The following KIF3C variants were observed in gnomAD, a reference collection of about 807,000 sequenced individuals.
The protein encoded by KIF3C is kinesin-like protein KIF3C.
A neutral mutation model predicts 67.7 loss-of-function variants in KIF3C; 12 were observed. That is an observed-to-expected ratio of 0.18 (90% confidence interval 0.11 to 0.29). The LOEUF is 0.29. Ranked by LOEUF, KIF3C falls within the 10% of genes least tolerant of loss-of-function variation. KIF3C has a pLI of 1.00. For missense variants in KIF3C, 789 were observed against 1,059.6 expected, an observed-to-expected ratio of 0.74 and a Z score of 3.55; for synonymous variants, 393 against 426.2, an observed-to-expected ratio of 0.92 and a Z score of 0.96.
intron 5 of KIF3C, among the ~76,000 whole-genome samples, chr2:25,938,698 T>C (rs1393734737): frequency 2.0e-5 from 3 of 152,184 alleles, no homozygotes; most frequent in Non-Finnish European, 4.4e-5. Flanking sequence ...CAGGCCTACT[T>C]TCCATGATTG....
intron 1 of KIF3C, among the ~76,000 whole-genome samples, chr2:25,962,314 T>C (rs2149237264): frequency 6.6e-6 from 1 of 152,204 alleles, no homozygotes; most frequent in South Asian, 2.1e-4. Flanking sequence ...AGAAATAAAA[T>C]GACAAATGCC....
intron 5 of KIF3C, among the ~76,000 whole-genome samples, chr2:25,947,695 C>G (rs941738861): frequency 6.6e-6 from 1 of 151,862 alleles, no homozygotes; most frequent in Non-Finnish European, 1.5e-5. Flanking sequence ...ATATACAAAC[C>G]ATTTTAACCC....
intron 5 of KIF3C, among the ~76,000 whole-genome samples, chr2:25,942,937 G>A (rs923816545): frequency 1.1e-4 from 17 of 152,218 alleles, no homozygotes; most frequent in African/African-American, 3.9e-4. Context: ...GATGCTTAGA[G>A]CTGGAGTAGG....
intron 5 of KIF3C, among the ~76,000 whole-genome samples, chr2:25,946,575 T>C (rs181491029): frequency 1.7e-3 from 257 of 151,948 alleles, no homozygotes; most frequent in African/African-American, 6.0e-3. Context: ...GTAATCCCGG[T>C]TACTCAGGAG....
At chr2:25,968,725 C>T (rs1664204516) in intron 1 of KIF3C, among the ~76,000 whole-genome samples, 1 of 152,174 alleles carries the variant, frequency 6.6e-6, no homozygotes, top group Non-Finnish European at 1.5e-5. Context: ...TGGGTCATTC[C>T]TCTCTGTCCT....
Position 25,954,374 on chromosome 2 carries a change from C to G in KIF3C, c.1782G>C (p.Lys594Asn), listed in dbSNP as rs779253582. ...GGATCTCCGCCTTCACCGCCTGCAGCTTGGCGTAGAGCTGGGTGGGGACAG... is the reference window on the plus strand; with the variant it reads ...GGATCTCCGCCTTCACCGCCTGCAGGTTGGCGTAGAGCTGGGTGGGGACAG... ...KTKKLKKLYAKLQAVKAEIQD... is the reference protein window; with the variant it reads ...KTKKLKKLYANLQAVKAEIQD... Residue 594 changes from lysine (K) to asparagine (N), a missense_variant, in exon 4 of 8, where the codon AAG (lysine) becomes AAC (asparagine). This residue lies in a region of KIF3C where 648 missense variants were observed against 807.8 expected (regional missense o/e 0.80). Coordinates refer to ENST00000264712, the MANE Select transcript of KIF3C (RefSeq NM_002254.8). 6.2e-7 allele frequency: 1 copy of G among 1,613,670 alleles called. No individual in the cohort carries two copies. The highest frequency in any genetic ancestry group is 8.5e-7 in the Non-Finnish European group (1 of 1,179,886).
intron 5 of KIF3C, among the ~76,000 whole-genome samples, chr2:25,946,571 C>A (rs1663442330): frequency 6.6e-6 from 1 of 152,054 alleles, no homozygotes; most frequent in Non-Finnish European, 1.5e-5. Flanking sequence ...GCCTGTAATC[C>A]CGGTTACTCA....
intron 7 of KIF3C, 82 bp downstream of exon 7, chr2:25,929,223 A>T: frequency 6.6e-7 from 1 of 1,524,200 alleles, no homozygotes; most frequent in Non-Finnish European, 9.0e-7. Flanking sequence ...GGTACCAGCA[A>T]AACCCTCTTT....
chr2:25,950,363 G>A (rs746050819), intron 5 of KIF3C, among the ~76,000 whole-genome samples: 4 of 151,446 alleles, frequency 2.6e-5, no homozygotes, highest in East Asian at 1.9e-4. Context: ...GATTACAGGC[G>A]CCTGCCACCA....
At chr2:25,930,888 G>C (rs1044858661) in intron 5 of KIF3C, among the ~76,000 whole-genome samples, 1 of 151,930 alleles carries the variant, frequency 6.6e-6, no homozygotes, top group African/African-American at 2.4e-5. Flanking sequence ...GTTTTACCAC[G>C]TTGGCCAAGC....
At chr2:25,964,937 C>T (rs188114401) in intron 1 of KIF3C, among the ~76,000 whole-genome samples, 118 of 152,326 alleles carry the variant, frequency 7.7e-4, no homozygotes, top group African/African-American at 2.7e-3. Flanking sequence ...GGTTTCTGCT[C>T]ATCTGCTTCC....
chr2:25,951,577 T>G, intron 5 of KIF3C: 1 of 505,860 alleles, frequency 2.0e-6, no homozygotes, highest in Non-Finnish European at 3.6e-6. Flanking sequence ...CCCAGGCCAA[T>G]GAGACACTTT....
intron 1 of KIF3C, among the ~76,000 whole-genome samples, chr2:25,962,370 T>G (rs370675143): frequency 5.3e-5 from 8 of 149,656 alleles, no homozygotes; most frequent in African/African-American, 7.6e-5. Context: ...TTTTCCCTGG[T>G]TTTTTTTTGT....
intron 4 of KIF3C, among the ~76,000 whole-genome samples, chr2:25,952,527 G>A (rs769605582): frequency 1.1e-3 from 18 of 16,130 alleles, no homozygotes; most frequent in African/African-American, 6.0e-3. Context: ...GTATATATAT[G>A]TGTGTGTGTG....
At chr2:25,931,786 C>T (rs960384413) in intron 5 of KIF3C, among the ~76,000 whole-genome samples, 1 of 151,950 alleles carries the variant, frequency 6.6e-6, no homozygotes, top group Middle Eastern at 3.4e-3. Context: ...TACAGGCAAA[C>T]ACCACCACAC....
At chr2:25,970,639 C>T (rs1461562859) in intron 1 of KIF3C, among the ~76,000 whole-genome samples, 1 of 139,526 alleles carries the variant, frequency 7.2e-6, no homozygotes, top group Non-Finnish European at 1.5e-5. Flanking sequence ...CACACTCCAG[C>T]CTGGGAAACA....
rs1337183763 is a variant in KIF3C, at chr2:25,981,174, A to G, written c.744T>C (p.Ala248=). 6.2e-7 allele frequency: 1 copy of G among 1,614,054 alleles called. No individual in the cohort carries two copies. Among genetic ancestry groups the G allele is most frequent in the Non-Finnish European group, 8.5e-7 (1 of 1,180,008 alleles). ...RVGKLNLVDL[A]GSERQNKAGP... ...CTGCCTTGTTCTGCCTCTCGCTGCC[A>G]GCCAGGTCCACGAGGTTGAGCTTGC... Residue 248 remains alanine, a synonymous_variant, in exon 1 of 8, where the codon GCT becomes GCC. Coordinates refer to ENST00000264712, the MANE Select transcript of KIF3C (RefSeq NM_002254.8). This position sits in a 1 kb window ranked among gnomAD's most constrained non-coding sequence, Gnocchi z 8.2.
At chr2:25,952,851 T>C (rs1663659520) in intron 4 of KIF3C, among the ~76,000 whole-genome samples, 1 of 151,606 alleles carries the variant, frequency 6.6e-6, no homozygotes, top group Non-Finnish European at 1.5e-5. Flanking sequence ...AGCCAGCAAA[T>C]TGTATATTTT....
intron 5 of KIF3C, among the ~76,000 whole-genome samples, chr2:25,939,727 T>G (rs1001525798): frequency 1.1e-4 from 17 of 151,966 alleles, no homozygotes; most frequent in African/African-American, 3.9e-4. Context: ...CCGAGGCAGA[T>G]GGATTACCTG....
Sources: allele counts gnomAD v4.1 joint callset (sites outside exome capture counted in the v4.1 genomes callset), GRCh38; gene constraint gnomAD v4.1.1; regional missense constraint gnomAD v4.1.1; non-coding constraint Gnocchi (gnomAD v3.1); transcripts MANE v1.5; gene names NCBI Gene and HGNC (gene_info 2026-07-23, HGNC 2026-07-21).